The following AIFM2 variants were observed in gnomAD, a reference collection of about 807,000 sequenced individuals.
The protein encoded by AIFM2 is AIF family member 2, ferroptosis suppressor.
In AIFM2, 38 loss-of-function variants were observed where a neutral mutation model predicts 35.7. The observed-to-expected ratio is 1.06, with a 90% CI of 0.82 to 1.39. The LOEUF (loss-of-function observed/expected upper bound fraction) is 1.39. Ranked by LOEUF, AIFM2 falls within the 40% of genes most tolerant of loss-of-function variation. The probability of loss-of-function intolerance (pLI) is 0.00; values close to 1 mark genes in which losing one functional copy is unlikely to be tolerated. For missense variants in AIFM2, 476 were observed against 491.2 expected (o/e 0.97, Z 0.29); for synonymous variants, 185 against 203.5 (o/e 0.91, Z 0.77).
intron 2 of AIFM2, 50 bp from the exon 3 acceptor site, chr10:70,123,570 G>A (rs1291858473): frequency 9.2e-6 from 14 of 1,527,488 alleles, no homozygotes; most frequent in South Asian, 2.3e-5. Flanking sequence ...GGCTGCCCAC[G>A]GGAAGCCAGA....
At position 70,131,812 on chromosome 10, in the gene AIFM2, T is replaced by C. The variant is rs1335212208; in HGVS notation, c.-14+922A>G. ...CTGTGCTCCTTGGAGAACTCCTCTC[T>C]AGGTGCTGGGGTGAGGGCAGGTGTG... is the stretch of plus-strand genomic sequence containing the variant. On this transcript the variant is annotated intron_variant, in intron 1 of 8. Transcript: ENST00000307864. The surrounding 1 kb of genome is among the most constrained non-coding windows in gnomAD (Gnocchi z 4.1). Among the ~76,000 whole-genome samples the C allele has an allele frequency of 1.3e-5, 2 of 152,132 alleles. No individual in the cohort carries two copies. Among genetic ancestry groups the C allele is most frequent in the African/African-American group, 4.8e-5 (2 of 41,434 alleles).
Position 70,115,078 on chromosome 10 carries a change from T to G in AIFM2, c.812A>C (p.His271Pro), listed in dbSNP as rs1564550810. ...ASSGALRVNE[H>P]LQVEGHSNVY... Reference sequence around the variant, plus strand: ...GTTGCTGTGGCCCTCCACCTGGAGGTGCTCGTTCACTCTCAGAGCACCACT... The same window carrying G: ...GTTGCTGTGGCCCTCCACCTGGAGGGGCTCGTTCACTCTCAGAGCACCACT... Residue 271 changes from histidine to proline, a missense_variant, in exon 8 of 9, where the codon CAC becomes CCC. Physicochemically the swap from His to Pro is moderately conservative, Grantham distance 77. Transcript: ENST00000307864. 1 of 1,613,948 alleles carries G rather than the reference T, an allele frequency of 6.2e-7. No individual in the cohort carries two copies. Among genetic ancestry groups the G allele is most frequent in the East Asian group, 2.2e-5 (1 of 44,878 alleles).
intron 3 of AIFM2, 74 bp from the exon 4 acceptor site, chr10:70,121,285 G>C (rs561815674): frequency 7.0e-7 from 1 of 1,426,188 alleles, no homozygotes; most frequent in Non-Finnish European, 9.1e-7. Context: ...GCAGGCCTAG[G>C]CCTCTGCATC....
At chr10:70,126,068 T>C (rs1447266801) in intron 1 of AIFM2, among the ~76,000 whole-genome samples, 1 of 152,166 alleles carries the variant, frequency 6.6e-6, no homozygotes, top group African/African-American at 2.4e-5. Flanking sequence ...AGGCCTTGCC[T>C]CCAGCCCAGC....
At chr10:70,119,044 C>T (rs79819747) in intron 5 of AIFM2, among the ~76,000 whole-genome samples, 3,822 of 152,150 alleles carry the variant, frequency 0.025, 213 homozygotes, top group East Asian at 0.16. Context: ...ATGAAGCCTC[C>T]ATAAAAATCC....
chr10:70,126,537 T>C (rs2072567956), intron 1 of AIFM2, among the ~76,000 whole-genome samples: 1 of 152,144 alleles, frequency 6.6e-6, no homozygotes, highest in African/African-American at 2.4e-5. Context: ...CACAACCCCT[T>C]CCCTCTCTAG....
At chr10:70,126,267 T>TG (rs1219867468) in intron 1 of AIFM2, among the ~76,000 whole-genome samples, 4 of 152,178 alleles carry the variant, frequency 2.6e-5, no homozygotes, top group Non-Finnish European at 5.9e-5. Flanking sequence ...GCCAGGCTGC[T>TG]GGGGGGAGAT....
intron 3 of AIFM2, among the ~76,000 whole-genome samples, chr10:70,122,008 C>T (rs898866602): frequency 6.6e-6 from 1 of 152,004 alleles, no homozygotes; most frequent in Admixed American, 6.6e-5. Context: ...AGGAGGATCG[C>T]TTGAACCTGG....
chr10:70,132,264 C>T (rs2072634419), intron 1 of AIFM2, among the ~76,000 whole-genome samples: 2 of 152,206 alleles, frequency 1.3e-5, no homozygotes, highest in Admixed American at 6.5e-5. Context: ...AGCCTATGGG[C>T]ACTGGGTTGA....
At chr10:70,121,575 G>A (rs1286651868) in intron 3 of AIFM2, among the ~76,000 whole-genome samples, 3 of 152,096 alleles carry the variant, frequency 2.0e-5, no homozygotes, top group Non-Finnish European at 4.4e-5. Context: ...CCTCCCGGGT[G>A]TTTTAGAAGA....
chr10:70,123,896 G>T lies in AIFM2; in HGVS notation c.178+11C>A. 1 of 1,552,028 alleles carries T rather than the reference G, an allele frequency of 6.4e-7. No homozygotes were observed. Among genetic ancestry groups the T allele is most frequent in the South Asian group, 1.2e-5 (1 of 83,758 alleles). Reference sequence around the variant, plus strand: ...CCCTCACAGAGACAGCCCCAGACGGGAGCACATTACCTGTCTCCACGGAGG... The same window carrying T: ...CCCTCACAGAGACAGCCCCAGACGGTAGCACATTACCTGTCTCCACGGAGG... On this transcript the variant is annotated intron_variant, in intron 2 of 8. Transcript: ENST00000307864.
chr10:70,121,168 C>T lies in AIFM2; in HGVS notation c.338G>A (p.Gly113Glu). ...SHLILATGST[G>E]PFPGKFNEVS... ...CTCATTAAACTTGCCCGGGAAGGGC[C>T]CAGTGCTGCCCGTGGCCAGGATAAG... Residue 113 changes from glycine (G) to glutamate (E), a missense_variant, in exon 4 of 9, where the codon GGG becomes GAG. By Grantham distance (98) the Gly-to-Glu change is moderately conservative (BLOSUM62 -2). Transcript: ENST00000307864. The T allele has an allele frequency of 6.3e-7, 1 of 1,593,208 alleles. No individual in the cohort carries two copies. Among genetic ancestry groups the T allele is most frequent in the East Asian group, 2.3e-5 (1 of 43,596 alleles).
In AIFM2 at chr10:70,120,494, C is replaced by T; in HGVS notation, c.507+13G>A. On this transcript the variant is annotated intron_variant, in intron 5 of 8. Coordinates refer to ENST00000307864, the MANE Select transcript of AIFM2 (RefSeq NM_032797.6). ...AACCACTTAGAGCTCCAAGGCAAGG[C>T]AGCCTGGCTCACCTCTTTCTCAGGA... 7 of 1,614,146 alleles carry T rather than the reference C, an allele frequency of 4.3e-6. No homozygotes were observed. Among genetic ancestry groups the T allele is most frequent in the Non-Finnish European group, 5.9e-6 (7 of 1,179,968 alleles).
Position 70,123,912 on chromosome 10 carries a change from T to G in AIFM2, c.173A>C (p.Glu58Ala). 6.3e-7 allele frequency: 1 copy of G among 1,579,466 alleles called. No homozygotes were observed. The highest frequency in any genetic ancestry group is 8.6e-7 in the Non-Finnish European group (1 of 1,157,510). The change falls in exon 2 of 9, where the codon GAG (glutamate) becomes GCG (alanine). Residue 58 changes from glutamate (E) to alanine (A), a missense_variant. By Grantham distance (107) the Glu-to-Ala change is moderately radical (BLOSUM62 -1). Coordinates refer to ENST00000307864, the MANE Select transcript of AIFM2 (RefSeq NM_032797.6). ...CCCAGACGGGAGCACATTACCTGTC[T>G]CCACGGAGGCTCGGAGAGCAGCCAC... ...HNVAALRASV[E>A]TGFAKKTFIS... is the part of the protein sequence containing the mutation.
chr10:70,117,942 G>T lies in AIFM2; in HGVS notation c.508-22C>A, dbSNP rs1244583857. 2 of 1,560,206 alleles carry T rather than the reference G, an allele frequency of 1.3e-6. No individual in the cohort carries two copies. Among genetic ancestry groups the T allele is most frequent in the African/African-American group, 2.7e-5 (2 of 73,094 alleles). On this transcript the variant is annotated intron_variant, in intron 5 of 8. Coordinates refer to ENST00000307864, the MANE Select transcript of AIFM2 (RefSeq NM_032797.6). The surrounding 1 kb of genome is among the most constrained non-coding windows in gnomAD (Gnocchi z 4.7). ...TGACCTGAGGACAAAACGACCACAGGGCCTGAGAAGGAGCCCCCAAGTCTT... is the reference window on the plus strand; with the variant it reads ...TGACCTGAGGACAAAACGACCACAGTGCCTGAGAAGGAGCCCCCAAGTCTT...
chr10:70,124,543 G>C (rs1296829035), intron 1 of AIFM2, among the ~76,000 whole-genome samples: 1 of 152,170 alleles, frequency 6.6e-6, no homozygotes, highest in Non-Finnish European at 1.5e-5. Flanking sequence ...TATATGAATT[G>C]AACTCCTGCT....
chr10:70,120,702 G>A (rs1296640695), intron 4 of AIFM2, 103 bp from the exon 5 acceptor site: 4 of 1,277,242 alleles, frequency 3.1e-6, no homozygotes, highest in African/African-American at 2.9e-5. Flanking sequence ...GCCAAAGGAG[G>A]GCAGAGAACC....
At chr10:70,120,370 A>G in intron 5 of AIFM2, 137 bp downstream of exon 5, 2 of 922,330 alleles carry the variant, frequency 2.2e-6, no homozygotes, top group South Asian at 1.5e-5. Context: ...ACCTTGGCAC[A>G]AAACAGAAAT....
chr10:70,122,265 C>T (rs1293065296), intron 3 of AIFM2, among the ~76,000 whole-genome samples: 2 of 152,134 alleles, frequency 1.3e-5, no homozygotes, highest in East Asian at 1.9e-4. Flanking sequence ...TCCAAGATGC[C>T]CTCATGGAAT....
Sources: allele counts gnomAD v4.1 joint callset (sites outside exome capture counted in the v4.1 genomes callset), GRCh38; gene constraint gnomAD v4.1.1; non-coding constraint Gnocchi (gnomAD v3.1); transcripts MANE v1.5; gene names NCBI Gene and HGNC (gene_info 2026-07-23, HGNC 2026-07-21).